NBEA: variants seen among roughly 807,000 people sequenced by gnomAD.
NBEA encodes the protein neurobeachin.
NBEA carries 44 observed loss-of-function variants against 343.4 expected under a neutral mutation model. That is an observed-to-expected ratio of 0.13 (90% CI 0.10 to 0.16). NBEA has a LOEUF of 0.16. Ranked by LOEUF, NBEA falls within the 10% of genes least tolerant of loss-of-function variation. The pLI is 1.00. For missense variants in NBEA, 2,555 were observed against 3,631.3 expected (o/e 0.70, Z 7.62); for synonymous variants, 1,175 against 1,238.7 (o/e 0.95, Z 1.08).
intron 31 of NBEA, among the ~76,000 whole-genome samples, chr13:35,200,680 T>C (rs2072961256): frequency 6.6e-6 from 1 of 151,892 alleles, no homozygotes; most frequent in Non-Finnish European, 1.5e-5. Flanking sequence ...GTAGGTATTT[T>C]TTCCTCAAAA....
chr13:35,095,419 G>A (rs953718854), intron 10 of NBEA, among the ~76,000 whole-genome samples: 2 of 151,172 alleles, frequency 1.3e-5, no homozygotes, highest in South Asian at 2.1e-4. Flanking sequence ...ATCAATAAAG[G>A]CCAAAAAGCT....
chr13:35,266,558 T>C (rs59951146), intron 34 of NBEA, among the ~76,000 whole-genome samples: 1 of 151,680 alleles, frequency 6.6e-6, no homozygotes, highest in African/African-American at 2.4e-5. Context: ...CTGGGAGACA[T>C]TATGTTAAAT....
At chr13:35,032,140 A>G (rs1022942313) in intron 1 of NBEA, among the ~76,000 whole-genome samples, 1 of 151,736 alleles carries the variant, frequency 6.6e-6, no homozygotes, top group Admixed American at 6.6e-5. Flanking sequence ...TAGTAGAATA[A>G]TTTGTATTCC....
intron 34 of NBEA, among the ~76,000 whole-genome samples, chr13:35,232,880 C>T (rs1354994604): frequency 6.6e-6 from 1 of 151,896 alleles, no homozygotes; most frequent in Non-Finnish European, 1.5e-5. Context: ...CTCTTTAATC[C>T]ATCTATCAGG....
In NBEA at chr13:35,331,238, G is replaced by A. The variant is rs555737156; in HGVS notation, c.5904-17870G>A. Among the ~76,000 whole-genome samples the A allele has an allele frequency of 1.2e-3, 186 of 152,070 alleles. 3 individuals are homozygous for A. Among genetic ancestry groups the A allele is most frequent in the Non-Finnish European group, 2.9e-4 (20 of 67,914 alleles). ...TTACTTTTGAGATTTTGGAGCCAGAGGAAATTACACTGAGGTATTAAATCC... is the reference window on the plus strand; with the variant it reads ...TTACTTTTGAGATTTTGGAGCCAGAAGAAATTACACTGAGGTATTAAATCC... On this transcript the variant is annotated intron_variant, in intron 36 of 58. Coordinates refer to ENST00000379939, the MANE Select transcript of NBEA (RefSeq NM_001385012.1).
At chr13:35,589,195 A>G (rs902660896) in intron 46 of NBEA, among the ~76,000 whole-genome samples, 3 of 152,134 alleles carry the variant, frequency 2.0e-5, no homozygotes, top group African/African-American at 7.2e-5. Context: ...GGAAGATTCT[A>G]AAAGATACTT....
chr13:35,298,622 CT>C (rs1385581508), intron 35 of NBEA, among the ~76,000 whole-genome samples: 2 of 151,696 alleles, frequency 1.3e-5, no homozygotes, highest in African/African-American at 4.8e-5. Context: ...ACAGTCTAGA[CT>C]TTTTTATTAC....
In NBEA at chr13:35,668,430, G is replaced by C. The variant is rs771970530; in HGVS notation, c.8724G>C (p.Glu2908Asp). 6.2e-7 allele frequency: 1 copy of C among 1,613,414 alleles called. No individual in the cohort carries two copies. The highest frequency in any genetic ancestry group is 1.1e-5 in the South Asian group (1 of 90,966). The stretch of plus-strand genomic sequence containing the variant: ...CCGGAGGGGACAATGGGGTAGTAGA[G>C]GTCTGGCAGGCCTGTGACTTCAAGC... ...LVTGGDNGVV[E>D]VWQACDFKQL... Residue 2908 changes from glutamate (E) to aspartate (D), a missense_variant, in exon 58 of 59, where the codon GAG becomes GAC. This residue lies in a region of NBEA where 186 missense variants were observed against 328.9 expected (regional missense o/e 0.57). Coordinates refer to ENST00000379939, the MANE Select transcript of NBEA (RefSeq NM_001385012.1).
chr13:35,184,588 C>A (rs945694463), intron 30 of NBEA, among the ~76,000 whole-genome samples: 4 of 150,652 alleles, frequency 2.7e-5, no homozygotes, highest in Admixed American at 2.0e-4. Context: ...GATGCATAAG[C>A]AAAAGAAAAA....
At chr13:35,269,031 A>G (rs947454063) in intron 34 of NBEA, among the ~76,000 whole-genome samples, 11 of 152,146 alleles carry the variant, frequency 7.2e-5, no homozygotes, top group Admixed American at 4.6e-4. Flanking sequence ...ATGGTTTTCA[A>G]GCAGAGGGTT....
chr13:35,539,209 A>G (rs1203364260), intron 41 of NBEA, among the ~76,000 whole-genome samples: 1 of 152,200 alleles, frequency 6.6e-6, no homozygotes, highest in Non-Finnish European at 1.5e-5. Flanking sequence ...TCAACCAACA[A>G]TTATAGTTTG....
At chr13:35,129,694 G>A (rs538495674) in intron 17 of NBEA, among the ~76,000 whole-genome samples, 1 of 151,992 alleles carries the variant, frequency 6.6e-6, no homozygotes, top group Non-Finnish European at 1.5e-5. Flanking sequence ...ATGAGGAAGA[G>A]GCAATATTCA....
intron 13 of NBEA, among the ~76,000 whole-genome samples, chr13:35,116,291 G>T (rs1287873888): frequency 6.6e-6 from 1 of 152,128 alleles, no homozygotes; most frequent in Non-Finnish European, 1.5e-5. Flanking sequence ...TCCCTGTCAG[G>T]CTACTGTCAG....
intron 18 of NBEA, among the ~76,000 whole-genome samples, chr13:35,149,667 A>G (rs377196818): frequency 2.6e-5 from 4 of 152,178 alleles, no homozygotes; most frequent in African/African-American, 7.2e-5. Flanking sequence ...GGTTTGGTCA[A>G]TGATGCCTAT....
chr13:34,958,059 G>A (rs576617200), intron 1 of NBEA, among the ~76,000 whole-genome samples: 22 of 151,874 alleles, frequency 1.4e-4, no homozygotes, highest in Admixed American at 3.3e-4. Context: ...TATTAATAAT[G>A]TTTTATATTA....
At chr13:34,989,790 AC>A (rs1025793610) in intron 1 of NBEA, among the ~76,000 whole-genome samples, 7 of 150,990 alleles carry the variant, frequency 4.6e-5, no homozygotes, top group African/African-American at 1.7e-4. Flanking sequence ...TTCATCTGGG[AC>A]AAGGCACGTC....
chr13:35,086,730 C>T (rs569568129), intron 10 of NBEA, among the ~76,000 whole-genome samples: 53 of 151,988 alleles, frequency 3.5e-4, no homozygotes, highest in African/African-American at 1.3e-3. Flanking sequence ...TGAAACATCT[C>T]CACACTCTTT....
chr13:35,016,752 G>A (rs1341550792), intron 1 of NBEA, among the ~76,000 whole-genome samples: 1 of 152,272 alleles, frequency 6.6e-6, no homozygotes, highest in Non-Finnish European at 1.5e-5. Context: ...AGTGTAGTCA[G>A]TGAATGCCTC....
Position 35,467,359 on chromosome 13 carries a change from C to G in NBEA, c.6449-5041C>G, listed in dbSNP as rs193003772. Reference sequence around the variant, plus strand: ...TGGTGGTATGCACCTGTAATCCCAGCTCCTTGGGAGGCCGAGGCAGGAGAA... The same window carrying G: ...TGGTGGTATGCACCTGTAATCCCAGGTCCTTGGGAGGCCGAGGCAGGAGAA... On this transcript the variant is annotated intron_variant, in intron 40 of 58. Transcript: ENST00000379939. Among the ~76,000 whole-genome samples, 142 of 152,198 alleles carry G rather than the reference C, an allele frequency of 9.3e-4. 1 individual carries two copies. The highest frequency in any genetic ancestry group is 3.2e-3 in the African/African-American group (132 of 41,544).
Sources: allele counts gnomAD v4.1 joint callset (sites outside exome capture counted in the v4.1 genomes callset), GRCh38; gene constraint gnomAD v4.1.1; regional missense constraint gnomAD v4.1.1; transcripts MANE v1.5; gene names NCBI Gene and HGNC (gene_info 2026-07-23, HGNC 2026-07-21).